Variants in SMARCC1 observed in about 807,000 individuals in gnomAD.
The protein encoded by SMARCC1 is SWI/SNF complex subunit SMARCC1.
SMARCC1 carries 43 observed loss-of-function variants against 147.4 expected under a neutral mutation model. That is an observed-to-expected ratio of 0.29 (90% CI 0.23 to 0.38). The LOEUF (loss-of-function observed/expected upper bound fraction) is 0.38, where lower values mean the gene tolerates loss of function less well. Ranked by LOEUF, SMARCC1 falls within the 10% of genes least tolerant of loss-of-function variation. The pLI is 1.00. For synonymous variants in SMARCC1, 495 were observed against 484.4 expected (o/e 1.02, Z -0.29); for missense variants, 1,119 against 1,381.1 (o/e 0.81, Z 3.01).
chr3:47,770,630 A>T lies in SMARCC1; in HGVS notation c.315+2187T>A, dbSNP rs1354277739. ...ACAGCAAGACTTTGACTCCAAAAAA[A>T]AGATCAGCCTAGGCAACACAGCAAC... On this transcript the variant is annotated intron_variant, in intron 2 of 27. Coordinates refer to ENST00000254480, the MANE Select transcript of SMARCC1 (RefSeq NM_003074.4). Among the ~76,000 whole-genome samples the T allele has an allele frequency of 5.3e-5, 8 of 152,022 alleles. No homozygotes were observed. The South Asian group carries it at 6.2e-4, about 12-fold the overall frequency.
intron 21 of SMARCC1, 39 bp downstream of exon 21, chr3:47,661,254 CA>C: frequency 6.5e-7 from 1 of 1,531,244 alleles, no homozygotes; most frequent in South Asian, 1.3e-5. Context: ...GGAATACAAA[CA>C]TATATTAACC....
At chr3:47,774,339 G>A (rs2034949504) in intron 1 of SMARCC1, among the ~76,000 whole-genome samples, 1 of 151,392 alleles carries the variant, frequency 6.6e-6, no homozygotes, top group Admixed American at 6.6e-5. Flanking sequence ...TTAGCTGGGT[G>A]TGGTGGCGCA....
At chr3:47,653,162 T>C (rs2033214739) in intron 21 of SMARCC1, among the ~76,000 whole-genome samples, 1 of 152,194 alleles carries the variant, frequency 6.6e-6, no homozygotes, top group Non-Finnish European at 1.5e-5. Flanking sequence ...TTTCACCTTG[T>C]TAGCCAGGAT....
intron 21 of SMARCC1, among the ~76,000 whole-genome samples, chr3:47,641,905 G>A (rs1458063071): frequency 1.3e-5 from 2 of 152,144 alleles, no homozygotes; most frequent in African/African-American, 4.8e-5. Flanking sequence ...TTGAGTAGCT[G>A]GGATTACAGG....
At chr3:47,680,265 A>G in intron 15 of SMARCC1, 172 bp downstream of exon 15, 2 of 568,734 alleles carry the variant, frequency 3.5e-6, no homozygotes, top group East Asian at 3.4e-5. Context: ...AAACGAAACT[A>G]GATACAATTT....
intron 18 of SMARCC1, among the ~76,000 whole-genome samples, chr3:47,673,451 G>A (rs1359608868): frequency 6.6e-6 from 1 of 150,450 alleles, no homozygotes; most frequent in African/African-American, 2.4e-5. Flanking sequence ...ACACCGGGAG[G>A]CCAATGTGGG....
At chr3:47,717,365 AAACC>A (rs780124393) in intron 7 of SMARCC1, among the ~76,000 whole-genome samples, 2 of 152,174 alleles carry the variant, frequency 1.3e-5, no homozygotes, top group Non-Finnish European at 2.9e-5. Context: ...GAAACATGAC[AAACC>A]AACTGGTTTC....
rs1235242472 is a variant in SMARCC1, at chr3:47,708,076, T to TTTTTTTC, written c.919-1553_919-1547dup. 5.1e-3 allele frequency among the ~76,000 whole-genome samples: 422 copies of TTTTTTTC among 82,732 alleles called. 4 individuals are homozygous for TTTTTTTC. Among genetic ancestry groups the TTTTTTTC allele is most frequent in the African/African-American group, 0.013 (350 of 26,548 alleles). The allele number at this position is 82,732 out of a possible 152,430, so 54.3% of individuals were successfully genotyped here. A position where few individuals can be genotyped will look rare whatever the true frequency, so the allele number is the denominator to read the frequency against. On this transcript the variant is annotated intron_variant, in intron 9 of 27. Coordinates refer to ENST00000254480, the MANE Select transcript of SMARCC1 (RefSeq NM_003074.4). ...TGATACAGTAAATCTGAAGTTGAAT[T>TTTTTTTC]TTTTTTCTTTTTTTTTTTTTTTTTT...
chr3:47,638,169 C>T (rs547190437), intron 22 of SMARCC1, among the ~76,000 whole-genome samples: 15 of 152,260 alleles, frequency 9.9e-5, no homozygotes, highest in African/African-American at 3.1e-4. Context: ...CGGCTCACTG[C>T]AAGCTCTGTC....
At chr3:47,607,842 G>T (rs2032501108) in intron 26 of SMARCC1, among the ~76,000 whole-genome samples, 1 of 151,970 alleles carries the variant, frequency 6.6e-6, no homozygotes, top group Non-Finnish European at 1.5e-5. Flanking sequence ...CAGGAATTTG[G>T]GTCCAGTCTG....
At chr3:47,645,728 A>G (rs1306488262) in intron 21 of SMARCC1, among the ~76,000 whole-genome samples, 1 of 152,240 alleles carries the variant, frequency 6.6e-6, no homozygotes, top group Non-Finnish European at 1.5e-5. Context: ...TCGCAAAGAT[A>G]TCTGCTTTTG....
intron 1 of SMARCC1, among the ~76,000 whole-genome samples, chr3:47,778,740 C>T (rs1485328161): frequency 2.0e-5 from 3 of 152,078 alleles, no homozygotes; most frequent in Non-Finnish European, 2.9e-5. Context: ...CACTTGTAAG[C>T]CCTGCACTTT....
intron 19 of SMARCC1, among the ~76,000 whole-genome samples, chr3:47,663,209 GGGGAGGAAGGAA>G (rs2033373945): frequency 2.9e-5 from 1 of 34,966 alleles, no homozygotes; most frequent in African/African-American, 9.4e-5. Flanking sequence ...GGGGAGGGGA[GGGGAGGAAGGAA>G]GGAAGGAAGG....
At chr3:47,599,731 G>C (rs1417031968) in intron 26 of SMARCC1, among the ~76,000 whole-genome samples, 2 of 152,182 alleles carry the variant, frequency 1.3e-5, no homozygotes. Context: ...CAAACTGATT[G>C]ATCCATTATT....
intron 12 of SMARCC1, among the ~76,000 whole-genome samples, chr3:47,692,744 C>T (rs2033804727): frequency 6.6e-6 from 1 of 152,124 alleles, no homozygotes; most frequent in Non-Finnish European, 1.5e-5. Context: ...GAGTATCGGC[C>T]AGTCACGGTG....
At chr3:47,659,491 T>C (rs2033311302) in intron 21 of SMARCC1, among the ~76,000 whole-genome samples, 1 of 151,730 alleles carries the variant, frequency 6.6e-6, no homozygotes. Flanking sequence ...GTCGGATTTA[T>C]CAAAATAAAA....
chr3:47,718,138 C>CAAA (rs71070217), intron 7 of SMARCC1, among the ~76,000 whole-genome samples: 23 of 53,662 alleles, frequency 4.3e-4, no homozygotes, highest in African/African-American at 1.2e-3. Context: ...GACCTTGTCT[C>CAAA]AAAAAAAAAA....
intron 11 of SMARCC1, among the ~76,000 whole-genome samples, chr3:47,700,988 C>T (rs1008563198): frequency 8.5e-5 from 13 of 152,118 alleles, no homozygotes; most frequent in African/African-American, 1.9e-4. Flanking sequence ...TATATAGGTA[C>T]GTATTCCACT....
intron 14 of SMARCC1, 53 bp downstream of exon 14, chr3:47,685,996 A>G: frequency 4.6e-6 from 7 of 1,510,306 alleles, no homozygotes; most frequent in Non-Finnish European, 5.4e-6. Context: ...GATTTCAAGG[A>G]AAGTTCTTGT....
Sources: allele counts gnomAD v4.1 joint callset (sites outside exome capture counted in the v4.1 genomes callset), GRCh38; gene constraint gnomAD v4.1.1; transcripts MANE v1.5; gene names NCBI Gene and HGNC (gene_info 2026-07-23, HGNC 2026-07-21).